DACH2: variants seen among roughly 807,000 people sequenced by gnomAD.
DACH2 encodes dachshund homolog 2.
Under a neutral mutation model 35.8 loss-of-function variants are expected in DACH2, and 17 were observed. The observed-to-expected ratio is 0.48, with a 90% CI of 0.33 to 0.71. The LOEUF (loss-of-function observed/expected upper bound fraction) is 0.71. DACH2 is among the 30% of genes least tolerant of loss of function. The pLI is 0.02. For missense variants in DACH2, 469 were observed against 472.7 expected, an observed-to-expected ratio of 0.99 and a Z score of 0.07; for synonymous variants, 195 against 177.3, an observed-to-expected ratio of 1.10 and a Z score of -0.79.
intron 7 of DACH2, among the ~76,000 whole-genome samples, chrX:86,741,371 T>C (rs1569476687): frequency 9.0e-6 from 1 of 111,526 alleles, no homozygotes. Flanking sequence ...TTTTTACTAA[T>C]ATGGATGCTG....
At chrX:86,171,772 C>T (rs984688483) in intron 1 of DACH2, among the ~76,000 whole-genome samples, 13 of 111,678 alleles carry the variant, frequency 1.2e-4, no homozygotes, top group African/African-American at 4.2e-4. Context: ...TCTATCTCTT[C>T]GGTGTCTCTT....
At chrX:86,619,596 A>G (rs1319451153) in intron 3 of DACH2, among the ~76,000 whole-genome samples, 6 of 112,110 alleles carry the variant, frequency 5.4e-5, no homozygotes, top group African/African-American at 1.6e-4. Context: ...GATTTCTTCA[A>G]GCCATAGATC....
chrX:86,304,656 A>T (rs2034642050), intron 1 of DACH2: 1 of 167,929 alleles, frequency 6.0e-6, no homozygotes. Flanking sequence ...TCTGGACAGC[A>T]TCCACATGAC....
At chrX:86,698,256 C>A (rs898488727) in intron 5 of DACH2, among the ~76,000 whole-genome samples, 3 of 108,629 alleles carry the variant, frequency 2.8e-5, no homozygotes, top group African/African-American at 1.0e-4. Context: ...TATTTAAAAC[C>A]CCACAAACCT....
At chrX:86,290,519 A>T (rs1215678942) in intron 1 of DACH2, among the ~76,000 whole-genome samples, 1 of 99,950 alleles carries the variant, frequency 1.0e-5, no homozygotes, top group Non-Finnish European at 2.0e-5. Context: ...CTGAATGGTA[A>T]TGCCTAGGTT....
intron 3 of DACH2, among the ~76,000 whole-genome samples, chrX:86,548,076 A>G (rs1408567420): frequency 2.7e-5 from 3 of 112,580 alleles, no homozygotes; most frequent in Non-Finnish European, 5.6e-5. Flanking sequence ...CACTTCCTAT[A>G]AGTCAAGCCT....
intron 1 of DACH2, among the ~76,000 whole-genome samples, chrX:86,330,076 G>T (rs1318720461): frequency 8.9e-6 from 1 of 111,985 alleles, no homozygotes; most frequent in Non-Finnish European, 1.9e-5. Context: ...AAGTGCCATT[G>T]TATTAAAGAG....
chrX:86,160,669 G>T, intron 1 of DACH2: 2 of 497,650 alleles, frequency 4.0e-6, no homozygotes, highest in South Asian at 5.7e-5. Flanking sequence ...GAACATCCTT[G>T]ACAGACACAT....
chrX:86,630,762 C>T (rs1464027101), intron 3 of DACH2, among the ~76,000 whole-genome samples: 1 of 109,630 alleles, frequency 9.1e-6, no homozygotes, highest in Non-Finnish European at 1.9e-5. Context: ...GTGATCTCAG[C>T]TCACTGCAAC....
chrX:86,827,751 G>T, intron 11 of DACH2: 1 of 1,164,716 alleles, frequency 8.6e-7, no homozygotes, highest in Non-Finnish European at 1.1e-6. Flanking sequence ...AGGTCTTATT[G>T]TTTTTTCTGT....
intron 1 of DACH2, among the ~76,000 whole-genome samples, chrX:86,314,467 A>T (rs765968069): frequency 5.4e-5 from 6 of 111,074 alleles, no homozygotes; most frequent in Non-Finnish European, 1.1e-4. Flanking sequence ...GCAGTGAGCC[A>T]TGAGTGTGCC....
intron 7 of DACH2, among the ~76,000 whole-genome samples, chrX:86,794,429 C>A (rs896861878): frequency 1.8e-5 from 2 of 110,485 alleles, no homozygotes; most frequent in Non-Finnish European, 3.8e-5. Flanking sequence ...GGGGATACTA[C>A]CACTATTGTG....
intron 3 of DACH2, among the ~76,000 whole-genome samples, chrX:86,577,082 A>G (rs1283428457): frequency 8.9e-6 from 1 of 112,267 alleles, no homozygotes; most frequent in Non-Finnish European, 1.9e-5. Context: ...TAATAACTAT[A>G]TTCAAGAAAT....
At chrX:86,327,060 T>C (rs1423993132) in intron 1 of DACH2, among the ~76,000 whole-genome samples, 1 of 112,004 alleles carries the variant, frequency 8.9e-6, no homozygotes, top group East Asian at 2.8e-4. Flanking sequence ...GAAATACAGA[T>C]TTGAACTTGA....
intron 7 of DACH2, among the ~76,000 whole-genome samples, chrX:86,799,459 G>T (rs938190890): frequency 1.5e-4 from 17 of 111,918 alleles, no homozygotes; most frequent in Non-Finnish European, 3.0e-4. Context: ...CAGAAGGCAG[G>T]TGATTTCTGC....
At chrX:86,493,974 A>C (rs2038130671) in intron 2 of DACH2, among the ~76,000 whole-genome samples, 1 of 111,428 alleles carries the variant, frequency 9.0e-6, no homozygotes, top group Admixed American at 9.6e-5. Flanking sequence ...TAGGCTCCAA[A>C]GTCAAACTCT....
At chrX:86,311,411 G>C (rs1461188081) in intron 1 of DACH2, among the ~76,000 whole-genome samples, 1 of 111,900 alleles carries the variant, frequency 8.9e-6, no homozygotes, top group South Asian at 3.7e-4. Flanking sequence ...ACGGTGGAAT[G>C]GTCTTTTGAA....
At chrX:86,488,135 A>G (rs1485102046) in intron 2 of DACH2, among the ~76,000 whole-genome samples, 2 of 111,971 alleles carry the variant, frequency 1.8e-5, no homozygotes, top group Non-Finnish European at 3.8e-5. Flanking sequence ...AATTCAGCTC[A>G]GATAATTTTA....
At chrX:86,381,677 T>G (rs889640134) in intron 2 of DACH2, among the ~76,000 whole-genome samples, 1 of 111,128 alleles carries the variant, frequency 9.0e-6, no homozygotes, top group Non-Finnish European at 1.9e-5. Context: ...ATCTTTCCTT[T>G]TCCTTGAAGC....
Sources: allele counts gnomAD v4.1 joint callset (sites outside exome capture counted in the v4.1 genomes callset), GRCh38; gene constraint gnomAD v4.1.1; transcripts MANE v1.5; gene names NCBI Gene and HGNC (gene_info 2026-07-23, HGNC 2026-07-21).